The following SMARCA2 variants were observed in gnomAD, a reference collection of about 807,000 sequenced individuals.
SMARCA2 encodes the protein SWI/SNF-related matrix-associated actin-dependent regulator of chromatin subfamily A member 2.
Under a neutral mutation model 199.8 loss-of-function variants are expected in SMARCA2, and 61 were observed. The ratio of observed to expected loss-of-function variants is 0.31; its 90% CI spans 0.25 to 0.38. The LOEUF is 0.38. SMARCA2 is among the 10% of genes least tolerant of loss of function. The probability of loss-of-function intolerance (pLI) is 1.00; values close to 1 mark genes in which losing one functional copy is unlikely to be tolerated. For synonymous variants in SMARCA2, 935 were observed against 732.0 expected (o/e 1.28, Z -4.48); for missense variants, 1,344 against 2,012.2 (o/e 0.67, Z 6.35).
At chr9:2,178,576 C>G (rs1294407380) in intron 29 of SMARCA2, among the ~76,000 whole-genome samples, 1 of 152,086 alleles carries the variant, frequency 6.6e-6, no homozygotes, top group East Asian at 1.9e-4. Flanking sequence ...AAGCAACTTT[C>G]TGGCCGGGGG....
At position 2,124,646 on chromosome 9, in the gene SMARCA2, T is replaced by G. The variant is rs148870132; in HGVS notation, c.3981+709T>G. On this transcript the variant is annotated intron_variant, in intron 27 of 33. Coordinates refer to ENST00000349721, the MANE Select transcript of SMARCA2 (RefSeq NM_003070.5). ...GCCTGGGACTCGGGTCACCGATGCT[T>G]GGAAATGTTATTCGGGAGTTTGTTT... Among the ~76,000 whole-genome samples the G allele has an allele frequency of 3.8e-3, 578 of 152,348 alleles. 3 individuals are homozygous for G. The highest frequency in any genetic ancestry group is 0.013 in the African/African-American group (551 of 41,578).
chr9:2,158,061 A>C (rs1825461850), intron 27 of SMARCA2, among the ~76,000 whole-genome samples: 1 of 151,466 alleles, frequency 6.6e-6, no homozygotes, highest in African/African-American at 2.4e-5. Context: ...GAACTAATTG[A>C]AGAGGGAGCT....
intron 32 of SMARCA2, among the ~76,000 whole-genome samples, chr9:2,187,066 G>A (rs1275821108): frequency 6.6e-6 from 1 of 152,118 alleles, no homozygotes; most frequent in Non-Finnish European, 1.5e-5. Flanking sequence ...GAGAATCACA[G>A]CTTTAGAAAA....
chr9:2,069,887 G>A (rs1821016319), intron 9 of SMARCA2, among the ~76,000 whole-genome samples: 1 of 152,160 alleles, frequency 6.6e-6, no homozygotes, highest in South Asian at 2.1e-4. Flanking sequence ...TGTCACCCAG[G>A]TGGAGATCAT....
At position 2,058,477 on chromosome 9, in the gene SMARCA2, C is replaced by G; in HGVS notation, c.1521+13C>G. ...GCGGCGACTGATGGTAAGGAACTCC[C>G]TGCAGGAGCCCAGGAAACTACTCAA... On this transcript the variant is annotated intron_variant, in intron 8 of 33. Transcript: ENST00000349721. The G allele has an allele frequency of 6.2e-7, 1 of 1,611,556 alleles. No homozygotes were observed. The highest frequency in any genetic ancestry group is 1.1e-5 in the South Asian group (1 of 90,964).
chr9:2,083,052 A>G (rs1326838081), intron 15 of SMARCA2, among the ~76,000 whole-genome samples: 2 of 151,996 alleles, frequency 1.3e-5, no homozygotes, highest in Admixed American at 6.5e-5. Context: ...CATTCTGGCA[A>G]TTGCTCTTTT....
chr9:2,116,148 C>A, intron 25 of SMARCA2, 99 bp downstream of exon 25: 1 of 868,700 alleles, frequency 1.2e-6, no homozygotes, highest in Non-Finnish European at 1.8e-6. Context: ...CCTGGGCTGG[C>A]GTTAATGAAA....
At chr9:2,076,358 G>A (rs770002840) in intron 13 of SMARCA2, 29 bp downstream of exon 13, 40 of 1,294,364 alleles carry the variant, frequency 3.1e-5, no homozygotes, top group Non-Finnish European at 2.1e-5. Flanking sequence ...CCTTGGAAAT[G>A]CATTGCATGA....
chr9:2,135,717 A>G (rs1824164719), intron 27 of SMARCA2, among the ~76,000 whole-genome samples: 1 of 151,918 alleles, frequency 6.6e-6, no homozygotes, highest in Non-Finnish European at 1.5e-5. Context: ...ACTTCTTTGT[A>G]TTTTTAGTAG....
chr9:2,100,208 T>C (rs999787263), intron 21 of SMARCA2, among the ~76,000 whole-genome samples: 2 of 152,152 alleles, frequency 1.3e-5, no homozygotes, highest in African/African-American at 4.8e-5. Flanking sequence ...AATGGAGAAA[T>C]GCATGGAGAA....
intron 29 of SMARCA2, among the ~76,000 whole-genome samples, chr9:2,174,395 T>C (rs1214230998): frequency 1.3e-5 from 2 of 152,158 alleles, no homozygotes; most frequent in South Asian, 2.1e-4. Context: ...AAAAAATCTG[T>C]CTCACTCCTT....
intron 27 of SMARCA2, among the ~76,000 whole-genome samples, chr9:2,138,840 C>T (rs1183364369): frequency 6.6e-6 from 1 of 152,120 alleles, no homozygotes; most frequent in African/African-American, 2.4e-5. Flanking sequence ...TGTGGGTTTG[C>T]CTTGGCCTGG....
intron 29 of SMARCA2, chr9:2,181,335 C>A: frequency 2.6e-6 from 1 of 377,878 alleles, no homozygotes; most frequent in Non-Finnish European, 4.8e-6. Flanking sequence ...AGTGTATTTC[C>A]CATATTGTAT....
At chr9:2,068,637 C>T (rs892276658) in intron 9 of SMARCA2, among the ~76,000 whole-genome samples, 4 of 151,890 alleles carry the variant, frequency 2.6e-5, no homozygotes, top group African/African-American at 7.3e-5. Context: ...GATTCTGTAT[C>T]GTCATTTTTT....
intron 29 of SMARCA2, among the ~76,000 whole-genome samples, chr9:2,178,720 G>C (rs910943904): frequency 2.0e-5 from 3 of 151,294 alleles, no homozygotes; most frequent in Admixed American, 6.6e-5. Context: ...TTGTTTGTTT[G>C]TTTAATTTTT....
chr9:2,055,972 C>G (rs946039143), intron 6 of SMARCA2, among the ~76,000 whole-genome samples: 16 of 152,150 alleles, frequency 1.1e-4, no homozygotes, highest in Non-Finnish European at 2.2e-4. Context: ...ATTAAATTAA[C>G]TGTAACTAAT....
rs1338054270 is a variant in SMARCA2, at chr9:2,073,590, C to T, written c.1902C>T (p.Asp634=). Residue 634 remains aspartate (D), a synonymous_variant, in exon 12 of 34, where the codon GAC becomes GAT. Transcript: ENST00000349721. ...NPGYEVAPRS[D]SEESDSDYEE... Reference sequence around the variant, plus strand: ...GTTATGAAGTTGCCCCTAGATCTGACAGTGAAGAGAGTGATTCTGATTATG... The same window carrying T: ...GTTATGAAGTTGCCCCTAGATCTGATAGTGAAGAGAGTGATTCTGATTATG... The T allele has an allele frequency of 1.9e-6, 3 of 1,612,238 alleles. No homozygotes were observed. The highest frequency in any genetic ancestry group is 2.5e-6 in the Non-Finnish European group (3 of 1,178,366).
At position 2,119,418 on chromosome 9, in the gene SMARCA2, A is replaced by T; in HGVS notation, c.3685-40A>T. On this transcript the variant is annotated intron_variant, in intron 25 of 33. Coordinates refer to ENST00000349721, the MANE Select transcript of SMARCA2 (RefSeq NM_003070.5). The surrounding 1 kb of genome is among the most constrained non-coding windows in gnomAD (Gnocchi z 4.6). ...CACTTACTTGTTTGTACCTTGCCCC[A>T]GCTGTCCACTGGTTAAAATCACTCT... 9 of 1,376,974 alleles carry T rather than the reference A, an allele frequency of 6.5e-6. No individual in the cohort carries two copies. Among genetic ancestry groups the T allele is most frequent in the Non-Finnish European group, 9.3e-6 (9 of 963,768 alleles). 85.3% of individuals were successfully genotyped at this position (1,376,974 alleles called of 1,614,324 possible).
intron 5 of SMARCA2, among the ~76,000 whole-genome samples, chr9:2,050,158 A>G (rs1820052034): frequency 6.6e-6 from 1 of 152,184 alleles, no homozygotes; most frequent in African/African-American, 2.4e-5. Flanking sequence ...TTCATAGCAT[A>G]AATAAATGTC....
Sources: gnomAD v4.1 joint callset for allele counts (sites outside exome capture counted in the v4.1 genomes callset) on GRCh38, gnomAD v4.1.1 for gene constraint, Gnocchi (gnomAD v3.1) non-coding constraint, MANE v1.5 for transcripts, NCBI Gene and HGNC (gene_info 2026-07-23, HGNC 2026-07-21) for gene names.